Variants in HSD17B11 observed in about 807,000 individuals in gnomAD.
The protein encoded by HSD17B11 is estradiol 17-beta-dehydrogenase 11.
Under a neutral mutation model 27.8 loss-of-function variants are expected in HSD17B11, and 22 were observed. That is an observed-to-expected ratio of 0.79 (90% CI 0.56 to 1.13). The LOEUF (loss-of-function observed/expected upper bound fraction) is 1.13. HSD17B11 is among the 50% of genes most tolerant of loss of function. The pLI is 0.00. For synonymous variants in HSD17B11, 117 were observed against 132.8 expected (o/e 0.88, Z 0.82); for missense variants, 314 against 351.1 (o/e 0.89, Z 0.84).
At chr4:87,357,993 G>T (rs1412395833) in intron 4 of HSD17B11, among the ~76,000 whole-genome samples, 1 of 87,818 alleles carries the variant, frequency 1.1e-5, no homozygotes, top group Non-Finnish European at 2.1e-5. Flanking sequence ...ACAGAGTCTT[G>T]CTCTGTCACC....
rs1472232133 is a variant in HSD17B11, at chr4:87,370,911, C to A, written c.557+1798G>T. On this transcript the variant is annotated intron_variant, in intron 4 of 6. Coordinates refer to ENST00000358290, the MANE Select transcript of HSD17B11 (RefSeq NM_016245.5). ...GGGACTACAGGCGCCCGCTACCACG[C>A]CCGGCTAATTTTTTGTATTTTTAGT... 2.4e-5 allele frequency among the ~76,000 whole-genome samples: 3 copies of A among 122,690 alleles called. 1 individual carries two copies. The highest frequency in any genetic ancestry group is 4.9e-5 in the Non-Finnish European group (3 of 61,078). The allele number at this position is 122,690 out of a possible 152,430, so 80.5% of individuals were successfully genotyped here. A position where few individuals can be genotyped will look rare whatever the true frequency, so the allele number is the denominator to read the frequency against.
intron 2 of HSD17B11, among the ~76,000 whole-genome samples, chr4:87,379,046 C>T (rs1383456600): frequency 2.8e-5 from 4 of 141,494 alleles, no homozygotes; most frequent in Non-Finnish European, 6.1e-5. Flanking sequence ...CAACCTCCGC[C>T]TCCCAGGTTC....
At position 87,367,302 on chromosome 4, in the gene HSD17B11, T is replaced by C. The variant is rs150112838; in HGVS notation, c.557+5407A>G. ...CTGGCCTCATACTTTGCCTACACAG[T>C]CCCTGTACAGGGTTTCTGACCTATG... On this transcript the variant is annotated intron_variant, in intron 4 of 6. Coordinates refer to ENST00000358290, the MANE Select transcript of HSD17B11 (RefSeq NM_016245.5). 6.5e-3 allele frequency among the ~76,000 whole-genome samples: 996 copies of C among 152,246 alleles called. 15 individuals carry two copies. Among genetic ancestry groups the C allele is most frequent in the African/African-American group, 0.023 (972 of 41,550 alleles).
chr4:87,338,754 C>T (rs1429594223), intron 6 of HSD17B11, among the ~76,000 whole-genome samples: 1 of 152,166 alleles, frequency 6.6e-6, no homozygotes, highest in Non-Finnish European at 1.5e-5. Flanking sequence ...CCAGGCTTGT[C>T]TTGAACTCTT....
intron 4 of HSD17B11, among the ~76,000 whole-genome samples, chr4:87,364,320 C>T (rs1226908571): frequency 6.6e-6 from 1 of 151,484 alleles, no homozygotes; most frequent in Admixed American, 6.6e-5. Flanking sequence ...TCATGAGACC[C>T]CAAGAATTAA....
chr4:87,356,899 C>T (rs2110117090), intron 5 of HSD17B11, among the ~76,000 whole-genome samples: 1 of 152,184 alleles, frequency 6.6e-6, no homozygotes, highest in Admixed American at 6.5e-5. Flanking sequence ...GAGTTCCAGG[C>T]TCCCTTCCCT....
intron 5 of HSD17B11, among the ~76,000 whole-genome samples, chr4:87,355,883 AAC>A (rs36047590): frequency 0.21 from 31,251 of 151,338 alleles, 3,950 homozygotes; most frequent in Non-Finnish European, 0.28. Context: ...CAGCCTGGGC[AAC>A]AGAGTGAAAC....
intron 2 of HSD17B11, among the ~76,000 whole-genome samples, chr4:87,380,950 G>A (rs1720148002): frequency 6.6e-6 from 1 of 150,586 alleles, no homozygotes; most frequent in Non-Finnish European, 1.5e-5. Flanking sequence ...GGAGGCCAAG[G>A]AGGGTGGATC....
Position 87,337,104 on chromosome 4 carries a change from C to A in HSD17B11, c.*172G>T. 1.6e-6 allele frequency: 1 copy of A among 630,652 alleles called. No individual in the cohort carries two copies. The highest frequency in any genetic ancestry group is 1.9e-5 in the South Asian group (1 of 53,882). 39.1% of individuals were successfully genotyped at this position (630,652 alleles called of 1,614,324 possible). On this transcript the variant is annotated 3_prime_UTR_variant, in exon 7 of 7. Transcript: ENST00000358290. ...TTTCTCTGTTTATATCATATGTAAT[C>A]AGCTTTTGGCTAAAGAACAAGTGGT... is the stretch of plus-strand genomic sequence containing the variant.
chr4:87,372,696 C>G lies in HSD17B11; in HGVS notation c.557+13G>C. 6.6e-7 allele frequency: 1 copy of G among 1,516,124 alleles called. No homozygotes were observed. The highest frequency in any genetic ancestry group is 9.2e-7 in the Non-Finnish European group (1 of 1,091,238). 93.9% of individuals were successfully genotyped at this position (1,516,124 alleles called of 1,614,324 possible). On this transcript the variant is annotated intron_variant, in intron 4 of 6. Coordinates refer to ENST00000358290, the MANE Select transcript of HSD17B11 (RefSeq NM_016245.5). Reference sequence around the variant, plus strand: ...GGCATAAGAACCAATGAAGGAAACACATGTTCACATACCAGTAAGCCAGTA... The same window carrying G: ...GGCATAAGAACCAATGAAGGAAACAGATGTTCACATACCAGTAAGCCAGTA...
At chr4:87,344,446 A>G (rs1283472676) in intron 5 of HSD17B11, among the ~76,000 whole-genome samples, 1 of 152,232 alleles carries the variant, frequency 6.6e-6, no homozygotes, top group African/African-American at 2.4e-5. Flanking sequence ...AAAAACATTT[A>G]ACTAAAAATT....
intron 2 of HSD17B11, 54 bp downstream of exon 2, chr4:87,382,201 A>G (rs1720189619): frequency 7.3e-7 from 1 of 1,363,098 alleles, no homozygotes; most frequent in East Asian, 2.3e-5. Flanking sequence ...GGTCATCTCC[A>G]AAACACCTCC....
rs541943033 is a variant in HSD17B11 at position 87,380,610 on chromosome 4, G to A, written c.318+1645C>T. 3.3e-5 allele frequency among the ~76,000 whole-genome samples: 5 copies of A among 151,702 alleles called. No individual in the cohort carries two copies. In the East Asian group the frequency reaches 9.8e-4, roughly 30 times the overall value. On this transcript the variant is annotated intron_variant, in intron 2 of 6. Transcript: ENST00000358290. The stretch of plus-strand genomic sequence containing the variant: ...GCGGTGGCTCACGCCTGTAATCCCA[G>A]CACTTTTGGAGGCCGAGGGAGCAGA...
chr4:87,363,976 G>A (rs999007967), intron 4 of HSD17B11, among the ~76,000 whole-genome samples: 3 of 152,182 alleles, frequency 2.0e-5, no homozygotes, highest in Non-Finnish European at 2.9e-5. Flanking sequence ...GGTAATAAGA[G>A]CTCTGAAAGG....
intron 2 of HSD17B11, among the ~76,000 whole-genome samples, 183 bp from the exon 3 acceptor site, chr4:87,375,013 C>T (rs529472272): frequency 6.6e-6 from 1 of 152,208 alleles, no homozygotes; most frequent in Non-Finnish European, 1.5e-5. Context: ...CTGGCCTCAG[C>T]TTCCCAAGTA....
intron 1 of HSD17B11, 62 bp from the exon 2 acceptor site, chr4:87,382,424 G>T: frequency 1.0e-6 from 1 of 972,776 alleles, no homozygotes; most frequent in Non-Finnish European, 1.6e-6. Flanking sequence ...ATCGACAGCT[G>T]AAAATAATTA....
At chr4:87,386,176 T>C (rs576859612) in intron 1 of HSD17B11, among the ~76,000 whole-genome samples, 4 of 151,784 alleles carry the variant, frequency 2.6e-5, no homozygotes, top group South Asian at 4.2e-4. Context: ...TAGGTTGGTC[T>C]GCTTTCCACA....
At chr4:87,390,829 A>T in intron 1 of HSD17B11, 32 bp downstream of exon 1, 4 of 1,581,642 alleles carry the variant, frequency 2.5e-6, no homozygotes, top group Non-Finnish European at 3.5e-6. Context: ...AATTAAAGGT[A>T]CCAGAAAGTA....
intron 1 of HSD17B11, among the ~76,000 whole-genome samples, chr4:87,385,264 G>T (rs975919877): frequency 3.3e-5 from 5 of 152,110 alleles, no homozygotes; most frequent in African/African-American, 1.2e-4. Flanking sequence ...AAAAAGAAAT[G>T]AATTTCTGAC....
Sources: allele counts gnomAD v4.1 joint callset (sites outside exome capture counted in the v4.1 genomes callset), GRCh38; gene constraint gnomAD v4.1.1; transcripts MANE v1.5; gene names NCBI Gene and HGNC (gene_info 2026-07-23, HGNC 2026-07-21).